Variants in CSGALNACT2 observed in about 807,000 individuals in gnomAD.
CSGALNACT2 encodes chondroitin sulfate N-acetylgalactosaminyltransferase 2, also known as beta 4 GalNAcT-2.
Under a neutral mutation model 55.3 loss-of-function variants are expected in CSGALNACT2, and 35 were observed. The observed-to-expected ratio is 0.63, with a 90% CI of 0.48 to 0.84. The LOEUF (loss-of-function observed/expected upper bound fraction) is 0.84. Ranked by LOEUF, CSGALNACT2 falls within the 40% of genes least tolerant of loss-of-function variation. The probability of loss-of-function intolerance (pLI) is 0.00; values close to 1 mark genes in which losing one functional copy is unlikely to be tolerated. For synonymous variants in CSGALNACT2, 196 were observed against 224.9 expected, an observed-to-expected ratio of 0.87 and a Z score of 1.15; for missense variants, 544 against 657.5, an observed-to-expected ratio of 0.83 and a Z score of 1.89.
chr10:43,165,792 C>G (rs1839252821), intron 5 of CSGALNACT2, among the ~76,000 whole-genome samples: 1 of 152,130 alleles, frequency 6.6e-6, no homozygotes, highest in Non-Finnish European at 1.5e-5. Context: ...GAGTTCGATA[C>G]CAGCCTGGCC....
chr10:43,163,715 A>T lies in CSGALNACT2; in HGVS notation c.981-151A>T, dbSNP rs1214854029. ...TCTCTCCCTGATGATAATCATACAC[A>T]TGAAGCTGGGATTTTCTTTCCCTTT... On this transcript the variant is annotated intron_variant, in intron 4 of 7. Coordinates refer to ENST00000374466, the MANE Select transcript of CSGALNACT2 (RefSeq NM_018590.5). 3.7e-6 allele frequency: 5 copies of T among 1,349,758 alleles called. No homozygotes were observed. In the African/African-American group the frequency reaches 4.5e-5, roughly 12 times the overall value. 83.6% of individuals were successfully genotyped at this position (1,349,758 alleles called of 1,614,324 possible).
chr10:43,163,666 C>T lies in CSGALNACT2; in HGVS notation c.981-200C>T, dbSNP rs1839199117. The T allele has an allele frequency of 9.1e-6, 9 of 985,436 alleles. No homozygotes were observed. In the South Asian group the frequency reaches 3.8e-4, roughly 41 times the overall value. 61.0% of individuals were successfully genotyped at this position (985,436 alleles called of 1,614,324 possible). ...GGAGCCTCATACCACCAACATGTGCCTCAAATTGGGCATTTGGTGAATATC... is the reference window on the plus strand; with the variant it reads ...GGAGCCTCATACCACCAACATGTGCTTCAAATTGGGCATTTGGTGAATATC... On this transcript the variant is annotated intron_variant, in intron 4 of 7. Coordinates refer to ENST00000374466, the MANE Select transcript of CSGALNACT2 (RefSeq NM_018590.5).
intron 2 of CSGALNACT2, among the ~76,000 whole-genome samples, 165 bp from the exon 3 acceptor site, chr10:43,158,550 C>T (rs75229807): frequency 0.044 from 6,667 of 151,914 alleles, 182 homozygotes; most frequent in South Asian, 0.089. Context: ...TTCTTTTAAG[C>T]GAGTAATTGT....
intron 1 of CSGALNACT2, among the ~76,000 whole-genome samples, chr10:43,147,816 G>T (rs1178652773): frequency 3.6e-4 from 45 of 124,894 alleles, no homozygotes; most frequent in Non-Finnish European, 5.8e-4. Flanking sequence ...TTTAAAGTAA[G>T]ACAGACAAAT....
chr10:43,143,754 T>G (rs568898975), intron 1 of CSGALNACT2, among the ~76,000 whole-genome samples: 3 of 152,130 alleles, frequency 2.0e-5, no homozygotes, highest in Non-Finnish European at 4.4e-5. Flanking sequence ...GGTACCATGA[T>G]TATAGTTTTC....
chr10:43,158,482 G>T (rs1167116020), intron 2 of CSGALNACT2, among the ~76,000 whole-genome samples: 1 of 152,098 alleles, frequency 6.6e-6, no homozygotes, highest in African/African-American at 2.4e-5. Context: ...ATTGTCATTT[G>T]TAGTATATTT....
Position 43,158,905 on chromosome 10 carries a change from A to T in CSGALNACT2, c.852A>T (p.Ala284=). ...TGCCACTTGCTGAAAGAACTGAAGCATTTGTACAATTTATGCAGAACTTCA... is the reference window on the plus strand; with the variant it reads ...TGCCACTTGCTGAAAGAACTGAAGCTTTTGTACAATTTATGCAGAACTTCA... ...IIVPLAERTE[A]FVQFMQNFRD... The change falls in exon 3 of 8, where the codon GCA becomes GCT. Residue 284 remains alanine, a synonymous_variant. Transcript: ENST00000374466. 1 of 1,607,644 alleles carries T rather than the reference A, an allele frequency of 6.2e-7. No homozygotes were observed. Among genetic ancestry groups the T allele is most frequent in the South Asian group, 1.1e-5 (1 of 90,940 alleles).
At chr10:43,166,775 C>T (rs1171229500) in intron 5 of CSGALNACT2, among the ~76,000 whole-genome samples, 4 of 152,128 alleles carry the variant, frequency 2.6e-5, no homozygotes, top group Non-Finnish European at 4.4e-5. Flanking sequence ...ACGTGAAGCA[C>T]CCTTTAGTTT....
intron 4 of CSGALNACT2, chr10:43,163,349 A>G (rs1229065174): frequency 1.6e-6 from 1 of 623,506 alleles, no homozygotes; most frequent in African/African-American, 2.0e-5. Context: ...AGTGGGAGAG[A>G]CACTGGAACA....
intron 1 of CSGALNACT2, among the ~76,000 whole-genome samples, chr10:43,142,135 T>G (rs187682842): frequency 1.3e-5 from 2 of 152,356 alleles, no homozygotes; most frequent in Admixed American, 1.3e-4. Flanking sequence ...GCTGCCTGTT[T>G]TAGTATAGCC....
chr10:43,168,217 T>C (rs140316499), intron 6 of CSGALNACT2, among the ~76,000 whole-genome samples: 6,670 of 151,960 alleles, frequency 0.044, 180 homozygotes, highest in South Asian at 0.089. Flanking sequence ...CTTTGGGAGG[T>C]CAAGACGGGT....
At chr10:43,152,668 C>T (rs1474313012) in intron 1 of CSGALNACT2, among the ~76,000 whole-genome samples, 1 of 152,144 alleles carries the variant, frequency 6.6e-6, no homozygotes, top group Non-Finnish European at 1.5e-5. Context: ...ATAAAGAAAA[C>T]ATATGAGGTA....
chr10:43,153,540 G>A (rs1282779705), intron 1 of CSGALNACT2, among the ~76,000 whole-genome samples: 1 of 150,676 alleles, frequency 6.6e-6, no homozygotes, highest in Non-Finnish European at 1.5e-5. Flanking sequence ...GCCACAGAAA[G>A]CATCCAGGTT....
At chr10:43,179,413 A>G (rs1416420132) in intron 7 of CSGALNACT2, among the ~76,000 whole-genome samples, 1 of 145,764 alleles carries the variant, frequency 6.9e-6, no homozygotes, top group Non-Finnish European at 1.5e-5. Context: ...TTGTTTATTT[A>G]TTTATTGACA....
At chr10:43,180,485 T>C (rs1839569730) in intron 7 of CSGALNACT2, among the ~76,000 whole-genome samples, 1 of 152,240 alleles carries the variant, frequency 6.6e-6, no homozygotes, top group Non-Finnish European at 1.5e-5. Context: ...TCACTGCTTA[T>C]GTTCCGCATC....
At chr10:43,157,163 ATGTT>A (rs778944957) in intron 2 of CSGALNACT2, among the ~76,000 whole-genome samples, 1 of 152,028 alleles carries the variant, frequency 6.6e-6, no homozygotes, top group Non-Finnish European at 1.5e-5. Context: ...TTCTCACTGT[ATGTT>A]TGTAGCTTAT....
At chr10:43,162,517 A>G (rs1040054969) in intron 4 of CSGALNACT2, 6 of 985,306 alleles carry the variant, frequency 6.1e-6, no homozygotes, top group African/African-American at 1.7e-5. Flanking sequence ...TTTTCCCCCA[A>G]CAGAGGAGAG....
chr10:43,154,963 A>G lies in CSGALNACT2; in HGVS notation c.-187A>G. ...CTTTATTCTGGATATCATGGTAACA[A>G]TACAGAAAGTATACATAATTTCCCA... On this transcript the variant is annotated 5_prime_UTR_variant, in exon 2 of 8. Transcript: ENST00000374466. 1 of 585,114 alleles carries G rather than the reference A, an allele frequency of 1.7e-6. No homozygotes were observed. Among genetic ancestry groups the G allele is most frequent in the East Asian group, 2.8e-5 (1 of 35,490 alleles). The allele number at this position is 585,114 out of a possible 1,614,324, so 36.2% of individuals were successfully genotyped here.
intron 6 of CSGALNACT2, among the ~76,000 whole-genome samples, chr10:43,173,089 T>C (rs1202156389): frequency 6.6e-6 from 1 of 152,246 alleles, no homozygotes; most frequent in Non-Finnish European, 1.5e-5. Context: ...TGTGTGGCTC[T>C]GGCTGGCAGC....
Sources: gnomAD v4.1 joint callset for allele counts (sites outside exome capture counted in the v4.1 genomes callset) on GRCh38, gnomAD v4.1.1 for gene constraint, MANE v1.5 for transcripts, NCBI Gene and HGNC (gene_info 2026-07-23, HGNC 2026-07-21) for gene names.